GRIP2: variants seen among roughly 807,000 people sequenced by gnomAD.
The protein encoded by GRIP2 is glutamate receptor-interacting protein 2.
GRIP2 carries 58 observed loss-of-function variants against 108.3 expected under a neutral mutation model. The ratio of observed to expected loss-of-function variants is 0.54; its 90% CI spans 0.43 to 0.67. The LOEUF is 0.67. GRIP2 is among the 30% of genes least tolerant of loss of function. The pLI is 0.00. For missense variants in GRIP2, 1,278 were observed against 1,430.6 expected, an observed-to-expected ratio of 0.89 and a Z score of 1.72; for synonymous variants, 586 against 598.2, an observed-to-expected ratio of 0.98 and a Z score of 0.30.
Position 14,494,914 on chromosome 3 carries a change from A to G in GRIP2, c.2899T>C (p.Tyr967His). 6.2e-7 allele frequency: 1 copy of G among 1,613,930 alleles called. No individual in the cohort carries two copies. The highest frequency in any genetic ancestry group is 8.5e-7 in the Non-Finnish European group (1 of 1,179,850). ...CCATCAGGGCGCACAGTGTGGACAT[A>G]GACACCTTTTTCCAGGAGGCCATCT... Reference protein sequence around the residue: ...VSDGLLEKGVYVHTVRPDGPA... With the variant: ...VSDGLLEKGVHVHTVRPDGPA... The change falls in exon 23 of 24, where the codon TAT becomes CAT. Residue 967 changes from tyrosine to histidine, a missense_variant. Transcript: ENST00000621039.
At chr3:14,586,591 T>C in the GRIP2 span, among the ~76,000 whole-genome samples, 1 of 151,946 alleles carries the variant, frequency 6.6e-6, no homozygotes, top group East Asian at 1.9e-4. Flanking sequence ...TCATGGAATG[T>C]AGAGAGGGAT....
At chr3:14,526,270 A>T (rs1389971762) in intron 1 of GRIP2, among the ~76,000 whole-genome samples, 2 of 152,218 alleles carry the variant, frequency 1.3e-5, no homozygotes, top group African/African-American at 2.4e-5. Context: ...TGGGGCTCAG[A>T]GAAGGCCAAC....
At chr3:14,496,061 C>G (rs1693591881) in intron 22 of GRIP2, among the ~76,000 whole-genome samples, 1 of 152,078 alleles carries the variant, frequency 6.6e-6, no homozygotes, top group Admixed American at 6.5e-5. Flanking sequence ...GGGAGAATCG[C>G]TTGAACCCAG....
At chr3:14,503,527 C>T (rs778668367) in intron 21 of GRIP2, 39 bp downstream of exon 21, 17 of 1,456,476 alleles carry the variant, frequency 1.2e-5, no homozygotes, top group South Asian at 1.1e-4. Context: ...TGAACAGCCC[C>T]GGGTGCCCCA....
At chr3:14,499,336 G>A (rs1333935998) in intron 21 of GRIP2, among the ~76,000 whole-genome samples, 2 of 152,196 alleles carry the variant, frequency 1.3e-5, no homozygotes, top group Non-Finnish European at 2.9e-5. Flanking sequence ...AAGCAGTGCA[G>A]TGATGAGATG....
rs757848381 is a variant in GRIP2, at chr3:14,521,084, G to A, written c.713-547C>T. 4.8e-5 allele frequency: 8 copies of A among 165,452 alleles called. No individual in the cohort carries two copies. Among genetic ancestry groups the A allele is most frequent in the African/African-American group, 9.6e-5 (4 of 41,618 alleles). The allele number at this position is 165,452 out of a possible 1,614,324, so 10.2% of individuals were successfully genotyped here. On this transcript the variant is annotated intron_variant, in intron 7 of 23. Transcript: ENST00000621039. This position sits in a 1 kb window ranked among gnomAD's most constrained non-coding sequence, Gnocchi z 5.1. ...AGCTCTCGCTTGGACAGCTGCTGCC[G>A]CTTCCTATGGCCTCCCGGCTTCCAC... is the stretch of plus-strand genomic sequence containing the variant.
intron 3 of GRIP2, 91 bp downstream of exon 3, chr3:14,525,346 C>T: frequency 6.7e-7 from 1 of 1,500,548 alleles, no homozygotes. Context: ...ATTGCTTTGC[C>T]TAAGACCTTC....
chr3:14,505,527 T>C lies in GRIP2; in HGVS notation c.2573+88A>G. 7.0e-7 allele frequency: 1 copy of C among 1,425,054 alleles called. No homozygotes were observed. The highest frequency in any genetic ancestry group is 9.6e-7 in the Non-Finnish European group (1 of 1,043,510). The allele number at this position is 1,425,054 out of a possible 1,614,324, so 88.3% of individuals were successfully genotyped here. ...TCAGGAGCCCGCCAAGACTCTCCAT[T>C]CCCCCACCACTTTGGCACAGGCACC... On this transcript the variant is annotated intron_variant, in intron 20 of 23. Coordinates refer to ENST00000621039, the MANE Select transcript of GRIP2 (RefSeq NM_001080423.4). This position sits in a 1 kb window ranked among gnomAD's most constrained non-coding sequence, Gnocchi z 4.2.
chr3:14,534,816 C>G (rs1019643918), intron 1 of GRIP2, among the ~76,000 whole-genome samples: 6 of 152,150 alleles, frequency 3.9e-5, no homozygotes, highest in African/African-American at 1.4e-4. Context: ...CCTTCATTAT[C>G]TCCCGCTCTC....
In GRIP2 at chr3:14,510,600, G is replaced by C. The variant is rs149488188; in HGVS notation, c.1933+565C>G. On this transcript the variant is annotated intron_variant, in intron 16 of 23. Transcript: ENST00000621039. ...TAAAAGAAAAGAAAAGAAAAGAAAA[G>C]AAATCTACCTCCCACAGTAACCTTC... Among the ~76,000 whole-genome samples the C allele has an allele frequency of 6.1e-3, 927 of 152,078 alleles. 13 individuals are homozygous for C. Among genetic ancestry groups the C allele is most frequent in the Admixed American group, 0.035 (533 of 15,276 alleles).
chr3:14,582,254 A>C, the GRIP2 span, among the ~76,000 whole-genome samples: 1 of 152,224 alleles, frequency 6.6e-6, no homozygotes, highest in Admixed American at 6.5e-5. Flanking sequence ...TCCTCAAGTA[A>C]GAAGCTGTTG....
chr3:14,547,321 C>T (rs186765504), intron 1 of GRIP2, among the ~76,000 whole-genome samples: 58 of 152,220 alleles, frequency 3.8e-4, no homozygotes, highest in Admixed American at 2.5e-3. Context: ...CACACACAGA[C>T]GGAAAGACCT....
upstream of GRIP2, chr3:14,540,386 A>G (rs202202760): frequency 1.9e-6 from 3 of 1,610,284 alleles, no homozygotes; most frequent in Non-Finnish European, 2.5e-6. The surrounding 1 kb of genome is among the most constrained non-coding windows in gnomAD (Gnocchi z 4.1). Context: ...CTCCCCAGGG[A>G]GGGGCTGTGG....
the GRIP2 span, among the ~76,000 whole-genome samples, chr3:14,600,497 T>C: frequency 6.6e-6 from 1 of 152,232 alleles, no homozygotes; most frequent in Non-Finnish European, 1.5e-5. Flanking sequence ...CTCCTCTTTG[T>C]TGAGGCCTTA....
rs372925613 is a variant in GRIP2, at chr3:14,512,863, G to A, written c.1640-6C>T. On this transcript the variant is annotated splice_region_variant and splice_polypyrimidine_tract_variant and intron_variant, in intron 13 of 23. Coordinates refer to ENST00000621039, the MANE Select transcript of GRIP2 (RefSeq NM_001080423.4). The surrounding 1 kb of genome is among the most constrained non-coding windows in gnomAD (Gnocchi z 5.1). The stretch of plus-strand genomic sequence containing the variant: ...ACTGCTTGGGATGACGGACTCTGGG[G>A]GTAGATGGACATAAACCGACGTGAG... 459 of 1,613,470 alleles carry A rather than the reference G, an allele frequency of 2.8e-4. No individual in the cohort carries two copies. Among genetic ancestry groups the A allele is most frequent in the Non-Finnish European group, 3.7e-4 (439 of 1,179,766 alleles).
chr3:14,573,730 G>A, the GRIP2 span: 1 of 1,447,394 alleles, frequency 6.9e-7, no homozygotes, highest in South Asian at 1.1e-5. Context: ...CACTCACGGG[G>A]GTCCTCCCAA....
the GRIP2 span, among the ~76,000 whole-genome samples, chr3:14,565,683 C>T: frequency 2.0e-5 from 3 of 152,224 alleles, no homozygotes; most frequent in South Asian, 6.2e-4. Flanking sequence ...GCCAGCAGCA[C>T]AGCACTGCCT....
intron 1 of GRIP2, among the ~76,000 whole-genome samples, chr3:14,534,352 G>C (rs919548080): frequency 6.6e-6 from 1 of 151,780 alleles, no homozygotes; most frequent in African/African-American, 2.4e-5. Flanking sequence ...AACCCCTTGG[G>C]GGGGTCAGAC....
chr3:14,548,357 C>G (rs1469491325), intron 1 of GRIP2, among the ~76,000 whole-genome samples: 5 of 152,090 alleles, frequency 3.3e-5, no homozygotes, highest in Non-Finnish European at 5.9e-5. Flanking sequence ...CTCCGGAGGC[C>G]CCTCCGGTGA....
Sources: gnomAD v4.1 joint callset for allele counts (sites outside exome capture counted in the v4.1 genomes callset) on GRCh38, gnomAD v4.1.1 for gene constraint, Gnocchi (gnomAD v3.1) non-coding constraint, MANE v1.5 for transcripts, NCBI Gene and HGNC (gene_info 2026-07-23, HGNC 2026-07-21) for gene names.